Variants in PTPRD observed in about 807,000 individuals in gnomAD.
PTPRD encodes protein tyrosine phosphatase receptor type D.
Under a neutral mutation model 214.5 loss-of-function variants are expected in PTPRD, and 34 were observed. That is an observed-to-expected ratio of 0.16 (90% CI 0.12 to 0.21). PTPRD has a LOEUF of 0.21. Ranked by LOEUF, PTPRD falls within the 10% of genes least tolerant of loss-of-function variation. The probability of loss-of-function intolerance (pLI) is 1.00; values close to 1 mark genes in which losing one functional copy is unlikely to be tolerated. For synonymous variants in PTPRD, 1,128 were observed against 845.7 expected, an observed-to-expected ratio of 1.33 and a Z score of -5.79; for missense variants, 2,545 against 2,398.7, an observed-to-expected ratio of 1.06 and a Z score of -1.27.
chr9:8,377,756 C>T (rs2083693411), intron 37 of PTPRD, among the ~76,000 whole-genome samples: 1 of 151,914 alleles, frequency 6.6e-6, no homozygotes, highest in African/African-American at 2.4e-5. Flanking sequence ...TAAACAAAGG[C>T]AATAAAGCAT....
At chr9:9,000,482 CACTTTAAGAA>C (rs2099413715) in intron 11 of PTPRD, among the ~76,000 whole-genome samples, 1 of 151,930 alleles carries the variant, frequency 6.6e-6, no homozygotes, top group Admixed American at 6.6e-5. Context: ...GTTATAACTT[CACTTTAAGAA>C]ACTTTAACCT....
intron 9 of PTPRD, among the ~76,000 whole-genome samples, chr9:9,313,321 T>G (rs985819038): frequency 3.3e-5 from 5 of 152,140 alleles, no homozygotes; most frequent in African/African-American, 1.2e-4. Flanking sequence ...AGTTAAGAGT[T>G]AGAGGAGAGT....
intron 5 of PTPRD, among the ~76,000 whole-genome samples, chr9:9,816,263 G>C (rs2048741524): frequency 6.6e-6 from 1 of 151,994 alleles, no homozygotes; most frequent in South Asian, 2.1e-4. Flanking sequence ...TTCCGTTAAA[G>C]AAATATAAAT....
intron 3 of PTPRD, among the ~76,000 whole-genome samples, chr9:10,330,247 T>G (rs2154433919): frequency 6.6e-6 from 1 of 151,948 alleles, no homozygotes; most frequent in East Asian, 2.0e-4. Flanking sequence ...TGATGGTGTA[T>G]TCCAACATCT....
intron 5 of PTPRD, among the ~76,000 whole-genome samples, chr9:9,919,027 T>C (rs1262939124): frequency 6.6e-6 from 1 of 152,166 alleles, no homozygotes; most frequent in South Asian, 2.1e-4. Flanking sequence ...GTTGAGGAGA[T>C]AGAATAACAT....
intron 14 of PTPRD, among the ~76,000 whole-genome samples, chr9:8,558,355 T>C (rs2084815569): frequency 6.6e-6 from 1 of 152,226 alleles, no homozygotes; most frequent in Admixed American, 6.5e-5. Flanking sequence ...TTCCTAATAG[T>C]GATTCATCAC....
intron 4 of PTPRD, among the ~76,000 whole-genome samples, chr9:9,992,985 C>T (rs2096000074): frequency 2.5e-5 from 2 of 81,308 alleles, no homozygotes; most frequent in South Asian, 8.4e-4. Context: ...AAAAGAATTT[C>T]AAAGTTAAAA....
chr9:9,627,631 A>G (rs1309014583), intron 7 of PTPRD, among the ~76,000 whole-genome samples: 1 of 152,196 alleles, frequency 6.6e-6, no homozygotes, highest in African/African-American at 2.4e-5. Flanking sequence ...ACAATTGTTG[A>G]ATAGCTGAAT....
chr9:9,493,355 A>T (rs1283753666), intron 8 of PTPRD, among the ~76,000 whole-genome samples: 1 of 152,176 alleles, frequency 6.6e-6, no homozygotes, highest in South Asian at 2.1e-4. Flanking sequence ...CTGTTAATTC[A>T]CCAGGAACAG....
At chr9:10,366,022 G>GA (rs2097508772) in intron 2 of PTPRD, among the ~76,000 whole-genome samples, 2 of 152,136 alleles carry the variant, frequency 1.3e-5, no homozygotes, top group Non-Finnish European at 2.9e-5. Context: ...CAAGAGAAAG[G>GA]AAAAGCCATT....
At chr9:10,375,523 G>A (rs2097711370) in intron 2 of PTPRD, among the ~76,000 whole-genome samples, 1 of 151,914 alleles carries the variant, frequency 6.6e-6, no homozygotes, top group South Asian at 2.1e-4. Context: ...TCAGACATGC[G>A]ATGAATCCCA....
intron 14 of PTPRD, among the ~76,000 whole-genome samples, chr9:8,594,020 A>G (rs1297324072): frequency 6.6e-6 from 1 of 152,154 alleles, no homozygotes; most frequent in Admixed American, 6.5e-5. Flanking sequence ...AGTGATAGGG[A>G]CTTCTCTAGA....
intron 3 of PTPRD, among the ~76,000 whole-genome samples, chr9:10,142,259 C>A (rs1449283406): frequency 3.6e-4 from 55 of 151,146 alleles, no homozygotes; most frequent in East Asian, 2.7e-3. Context: ...GCAACAAAAG[C>A]CAAAATTGAC....
chr9:9,436,175 G>A (rs887369824), intron 8 of PTPRD, among the ~76,000 whole-genome samples: 1 of 152,158 alleles, frequency 6.6e-6, no homozygotes, highest in Non-Finnish European at 1.5e-5. Context: ...TATTCTTTGG[G>A]TGAACAATTC....
At chr9:8,439,241 T>C (rs1383951871) in intron 34 of PTPRD, among the ~76,000 whole-genome samples, 1 of 152,202 alleles carries the variant, frequency 6.6e-6, no homozygotes, top group Non-Finnish European at 1.5e-5. Flanking sequence ...GGTTTTGGCA[T>C]CTACTAATAG....
At chr9:8,917,549 T>C (rs1379967764) in intron 11 of PTPRD, among the ~76,000 whole-genome samples, 1 of 152,160 alleles carries the variant, frequency 6.6e-6, no homozygotes, top group African/African-American at 2.4e-5. Flanking sequence ...ACGGTTTGTC[T>C]ACATATCTCA....
intron 5 of PTPRD, among the ~76,000 whole-genome samples, chr9:9,773,536 A>G (rs922470866): frequency 6.6e-6 from 1 of 151,594 alleles, no homozygotes; most frequent in Non-Finnish European, 1.5e-5. Context: ...ATCTCATGAC[A>G]TAAGACATAA....
intron 8 of PTPRD, among the ~76,000 whole-genome samples, chr9:9,475,733 T>C (rs970979818): frequency 1.3e-5 from 2 of 152,234 alleles, no homozygotes; most frequent in Non-Finnish European, 2.9e-5. Context: ...ACTATCTGCA[T>C]GTTTATTGAA....
At chr9:9,043,887 G>A (rs2099656244) in intron 10 of PTPRD, among the ~76,000 whole-genome samples, 1 of 149,940 alleles carries the variant, frequency 6.7e-6, no homozygotes, top group Non-Finnish European at 1.5e-5. Flanking sequence ...CTGGGTGACA[G>A]AGTGAGACCC....
Sources: allele counts gnomAD v4.1 joint callset (sites outside exome capture counted in the v4.1 genomes callset), GRCh38; gene constraint gnomAD v4.1.1; transcripts MANE v1.5; gene names NCBI Gene and HGNC (gene_info 2026-07-23, HGNC 2026-07-21).